Variants in FAM229A observed in about 807,000 individuals in gnomAD.
FAM229A encodes protein FAM229A.
A neutral mutation model predicts 10.0 loss-of-function variants in FAM229A; 9 were observed. The observed-to-expected ratio is 0.90, with a 90% CI of 0.54 to 1.56. The LOEUF (loss-of-function observed/expected upper bound fraction) is 1.56, where lower values mean the gene tolerates loss of function less well. Ranked by LOEUF, FAM229A falls within the 40% of genes most tolerant of loss-of-function variation. The probability of loss-of-function intolerance (pLI) is 0.00; values close to 1 mark genes in which losing one functional copy is unlikely to be tolerated. For synonymous variants in FAM229A, 93 were observed against 90.1 expected, an observed-to-expected ratio of 1.03 and a Z score of -0.19; for missense variants, 196 against 197.6, an observed-to-expected ratio of 0.99 and a Z score of 0.05.
Position 32,362,103 on chromosome 1 carries a change from C to A in FAM229A, c.-12G>T. On this transcript the variant is annotated 5_prime_UTR_variant, in exon 1 of 3. Transcript: ENST00000432622. ...GAGGAGGGCAGCATTGTGACCCGGG[C>A]CGCGGCGCGCTGACCTCACAGAGCA... The A allele has an allele frequency of 7.3e-7, 1 of 1,370,630 alleles. No homozygotes were observed. The highest frequency in any genetic ancestry group is 9.4e-7 in the Non-Finnish European group (1 of 1,064,276). The allele number at this position is 1,370,630 out of a possible 1,614,324, so 84.9% of individuals were successfully genotyped here.
rs1032770200 is a variant in FAM229A at position 32,362,168 on chromosome 1, C to T, written c.-77G>A. 4 of 1,294,790 alleles carry T rather than the reference C, an allele frequency of 3.1e-6. No homozygotes were observed. The highest frequency in any genetic ancestry group is 3.9e-6 in the Non-Finnish European group (4 of 1,022,292). 80.2% of individuals were successfully genotyped at this position (1,294,790 alleles called of 1,614,324 possible). ...GAGAACCCCCAACGGTGCCCCCTGC[C>T]GCCCCTGGCACTCAGCGCGGGCCAG... On this transcript the variant is annotated 5_prime_UTR_variant, in exon 1 of 3. Coordinates refer to ENST00000432622, the MANE Select transcript of FAM229A (RefSeq NM_001167676.2).
Position 32,362,018 on chromosome 1 carries a change from G to T in FAM229A, c.74C>A (p.Ser25Tyr). 1 of 1,485,066 alleles carries T rather than the reference G, an allele frequency of 6.7e-7. No homozygotes were observed. The allele number at this position is 1,485,066 out of a possible 1,614,324, so 92.0% of individuals were successfully genotyped here. A position where few individuals can be genotyped will look rare whatever the true frequency, so the allele number is the denominator to read the frequency against. ...AGCTGCCGGAGCCCTGGCCGCGGGAGAACGCTCCGGTCCAGGCGGAGCCGG... is the reference window on the plus strand; with the variant it reads ...AGCTGCCGGAGCCCTGGCCGCGGGATAACGCTCCGGTCCAGGCGGAGCCGG... ...TCPAPPGPER[S>Y]PAARAPAAAS... is the part of the protein sequence containing the mutation. The change falls in exon 1 of 3, where the codon TCT becomes TAT. Residue 25 changes from serine (S) to tyrosine (Y), a missense_variant. Transcript: ENST00000432622.
rs544444958 is a variant in FAM229A, at chr1:32,362,133, C to T, written c.-42G>A. On this transcript the variant is annotated 5_prime_UTR_variant, in exon 1 of 3. Transcript: ENST00000432622. Reference sequence around the variant, plus strand: ...GCGCGCTGACCTCACAGAGCACGTTCCTCCCACTGGAGAACCCCCAACGGT... The same window carrying T: ...GCGCGCTGACCTCACAGAGCACGTTTCTCCCACTGGAGAACCCCCAACGGT... 508 of 1,330,026 alleles carry T rather than the reference C, an allele frequency of 3.8e-4. No individual in the cohort carries two copies. Among genetic ancestry groups the T allele is most frequent in the Non-Finnish European group, 4.8e-4 (498 of 1,041,812 alleles). 82.4% of individuals were successfully genotyped at this position (1,330,026 alleles called of 1,614,324 possible).
At position 32,362,478 on chromosome 1, in the gene FAM229A, A is replaced by T; in HGVS notation, c.-387T>A. 1 of 587,142 alleles carries T rather than the reference A, an allele frequency of 1.7e-6. No homozygotes were observed. The highest frequency in any genetic ancestry group is 3.0e-5 in the Admixed American group (1 of 33,058). The allele number at this position is 587,142 out of a possible 1,614,324, so 36.4% of individuals were successfully genotyped here. Reference sequence around the variant, plus strand: ...GCACTGCCCATTTTGGCCAAGGGTCACACAGCATCTACATCACAATTGCAC... The same window carrying T: ...GCACTGCCCATTTTGGCCAAGGGTCTCACAGCATCTACATCACAATTGCAC... On this transcript the variant is annotated 5_prime_UTR_variant, in exon 1 of 3. Coordinates refer to ENST00000432622, the MANE Select transcript of FAM229A (RefSeq NM_001167676.2).
At position 32,362,341 on chromosome 1, in the gene FAM229A, GC is replaced by G; in HGVS notation, c.-251del. On this transcript the variant is annotated 5_prime_UTR_variant, in exon 1 of 3. Coordinates refer to ENST00000432622, the MANE Select transcript of FAM229A (RefSeq NM_001167676.2). The stretch of plus-strand genomic sequence containing the variant: ...CCGCGCATTCCCGGTCCACACAGAC[GC>G]GGCGGAGCGCCCTCCCAGGCGGGAC... The G allele has an allele frequency of 2.0e-6, 1 of 488,750 alleles. No homozygotes were observed. The highest frequency in any genetic ancestry group is 3.4e-6 in the Non-Finnish European group (1 of 292,756). 30.3% of individuals were successfully genotyped at this position (488,750 alleles called of 1,614,324 possible).
rs1641719256 is a variant in FAM229A at position 32,362,374 on chromosome 1, T to G, written c.-283A>C. On this transcript the variant is annotated 5_prime_UTR_variant, in exon 1 of 3. An upstream open reading frame in the 5' UTR loses its in-frame stop. Coordinates refer to ENST00000432622, the MANE Select transcript of FAM229A (RefSeq NM_001167676.2). Reference sequence around the variant, plus strand: ...GCGCCCTCCCAGGCGGGACTACAACTCAATGCCTGGCACGGGGGCGGGCTC... The same window carrying G: ...GCGCCCTCCCAGGCGGGACTACAACGCAATGCCTGGCACGGGGGCGGGCTC... 1 of 478,586 alleles carries G rather than the reference T, an allele frequency of 2.1e-6. No homozygotes were observed. The highest frequency in any genetic ancestry group is 3.6e-6 in the Non-Finnish European group (1 of 277,282). 29.6% of individuals were successfully genotyped at this position (478,586 alleles called of 1,614,324 possible). A position where few individuals can be genotyped will look rare whatever the true frequency, so the allele number is the denominator to read the frequency against.
At position 32,361,847 on chromosome 1, in the gene FAM229A, T is replaced by TGGG. The variant is rs36117366; in HGVS notation, c.161_163dup (p.Ala54_Gln55insPro). ...GAATCTCCGACCCTGCGGGGGCTCC[T>TGGG]GGGCGCTCATGTCCAAGCCCCGGGG... On this transcript the variant is annotated inframe_insertion, in exon 2 of 3. Transcript: ENST00000432622. 3 of 1,337,906 alleles carry TGGG rather than the reference T, an allele frequency of 2.2e-6. No individual in the cohort carries two copies. In the African/African-American group the frequency reaches 4.6e-5, roughly 21 times the overall value. The allele number at this position is 1,337,906 out of a possible 1,614,324, so 82.9% of individuals were successfully genotyped here.
In FAM229A at chr1:32,361,781, G is replaced by A; in HGVS notation, c.230C>T (p.Pro77Leu). Residue 77 changes from proline (P) to leucine (L), a missense_variant, in exon 2 of 3, where the codon CCC becomes CTC. Transcript: ENST00000432622. ...CGCCTCCGGGCTGTCCTGGGACTCG[G>A]GGGCGGCGGCAAGGCCACGGGAGTC... ...AGDSRGLAAAPESQDSPEAVA... is the reference protein window; with the variant it reads ...AGDSRGLAAALESQDSPEAVA... 1 of 1,324,396 alleles carries A rather than the reference G, an allele frequency of 7.6e-7. No individual in the cohort carries two copies. The highest frequency in any genetic ancestry group is 9.6e-7 in the Non-Finnish European group (1 of 1,039,608). The allele number at this position is 1,324,396 out of a possible 1,614,324, so 82.0% of individuals were successfully genotyped here.
Position 32,362,090 on chromosome 1 carries a change from ATT to A in FAM229A, c.-1_1del. ...GGGCCCGGGCGTCGAGGAGGGCAGC[ATT>A]GTGACCCGGGCCGCGGCGCGCTGAC... On this transcript the variant is annotated start_lost and 5_prime_UTR_variant, in exon 1 of 3. Coordinates refer to ENST00000432622, the MANE Select transcript of FAM229A (RefSeq NM_001167676.2). 2.1e-6 allele frequency: 3 copies of A among 1,395,498 alleles called. No homozygotes were observed. The highest frequency in any genetic ancestry group is 2.8e-6 in the Non-Finnish European group (3 of 1,077,416). The allele number at this position is 1,395,498 out of a possible 1,614,324, so 86.4% of individuals were successfully genotyped here.
rs765253551 is a variant in FAM229A, at chr1:32,361,976, G to T, written c.116C>A (p.Pro39Gln). 2 of 1,480,492 alleles carry T rather than the reference G, an allele frequency of 1.4e-6. No homozygotes were observed. Among genetic ancestry groups the T allele is most frequent in the South Asian group, 1.3e-5 (1 of 78,480 alleles). 91.7% of individuals were successfully genotyped at this position (1,480,492 alleles called of 1,614,324 possible). The change falls in exon 1 of 3, where the codon CCG (proline) becomes CAG (glutamine). Residue 39 changes from proline to glutamine, a missense_variant. Pro to Gln is a moderately conservative substitution (Grantham distance 76). Transcript: ENST00000432622. ...CGCTCACCTCCCGGCGGTTGAGACC[G>T]GTCCCAGGCTAGAAGCAGCTGCCGG... Reference protein sequence around the residue: ...RAPAAASSLGPVSTAGRAPRG... With the variant: ...RAPAAASSLGQVSTAGRAPRG...
chr1:32,362,065 G>A lies in FAM229A; in HGVS notation c.27C>T (p.Pro9=). Residue 9 remains proline (P), a synonymous_variant, in exon 1 of 3, where the codon CCC becomes CCT. Coordinates refer to ENST00000432622, the MANE Select transcript of FAM229A (RefSeq NM_001167676.2). ...CCGGGCAGGTCTCTGTGGCGTGCCCGGGCCCGGGCGTCGAGGAGGGCAGCA... is the reference window on the plus strand; with the variant it reads ...CCGGGCAGGTCTCTGTGGCGTGCCCAGGCCCGGGCGTCGAGGAGGGCAGCA... MLPSSTPG[P]GHATETCPAP... is the part of the protein sequence containing the mutation. 7.0e-7 allele frequency: 1 copy of A among 1,431,806 alleles called. No individual in the cohort carries two copies. Among genetic ancestry groups the A allele is most frequent in the Non-Finnish European group, 9.1e-7 (1 of 1,097,996 alleles). The allele number at this position is 1,431,806 out of a possible 1,614,324, so 88.7% of individuals were successfully genotyped here.
rs747751320 is a variant in FAM229A, at chr1:32,362,185, G to A, written c.-94C>T. 8 of 1,290,330 alleles carry A rather than the reference G, an allele frequency of 6.2e-6. No homozygotes were observed. Among genetic ancestry groups the A allele is most frequent in the Non-Finnish European group, 7.8e-6 (8 of 1,019,242 alleles). The allele number at this position is 1,290,330 out of a possible 1,614,324, so 79.9% of individuals were successfully genotyped here. A position where few individuals can be genotyped will look rare whatever the true frequency, so the allele number is the denominator to read the frequency against. ...CCCCCTGCCGCCCCTGGCACTCAGC[G>A]CGGGCCAGAATCGGGGACTGGAGGC... On this transcript the variant is annotated 5_prime_UTR_variant, in exon 1 of 3. Transcript: ENST00000432622.
chr1:32,361,487 C>T lies in FAM229A; in HGVS notation c.330G>A (p.Val110=), dbSNP rs1641701481. 4 of 1,382,304 alleles carry T rather than the reference C, an allele frequency of 2.9e-6. No individual in the cohort carries two copies. The South Asian group carries it at 6.2e-5, about 21-fold the overall frequency. The allele number at this position is 1,382,304 out of a possible 1,614,324, so 85.6% of individuals were successfully genotyped here. A position where few individuals can be genotyped will look rare whatever the true frequency, so the allele number is the denominator to read the frequency against. Residue 110 remains valine (V), a synonymous_variant, in exon 3 of 3, where the codon GTG becomes GTA. Coordinates refer to ENST00000432622, the MANE Select transcript of FAM229A (RefSeq NM_001167676.2). ...CCATGGCGAGGTAGACGTCGATGGG[C>T]ACGTGCAGCAGCGTCAGGCAGTGGC... ...PGCHCLTLLH[V]PIDVYLAMGG... is the part of the protein sequence containing the mutation.
chr1:32,361,629 G>C, intron 2 of FAM229A, 94 bp from the exon 3 acceptor site: 1 of 1,253,014 alleles, frequency 8.0e-7, no homozygotes. Flanking sequence ...GTCCCCGGGG[G>C]TCCGGACGTG....
rs1235208428 is a variant in FAM229A at position 32,362,262 on chromosome 1, G to T, written c.-171C>A. On this transcript the variant is annotated 5_prime_UTR_variant, in exon 1 of 3. Transcript: ENST00000432622. ...GTCGCGCAGACCCCGGACACCCGAG[G>T]GGGGCGCAGCAGGCCAGGGCAACCC... The T allele has an allele frequency of 4.0e-6, 4 of 990,280 alleles. No homozygotes were observed. The highest frequency in any genetic ancestry group is 4.0e-6 in the Non-Finnish European group (3 of 754,572). The allele number at this position is 990,280 out of a possible 1,614,324, so 61.3% of individuals were successfully genotyped here.
At position 32,361,796 on chromosome 1, in the gene FAM229A, C is replaced by T; in HGVS notation, c.215G>A (p.Gly72Asp). The T allele has an allele frequency of 7.5e-7, 1 of 1,328,252 alleles. No individual in the cohort carries two copies. Among genetic ancestry groups the T allele is most frequent in the Middle Eastern group, 2.0e-4 (1 of 4,974 alleles). 82.3% of individuals were successfully genotyped at this position (1,328,252 alleles called of 1,614,324 possible). ...CTGGGACTCGGGGGCGGCGGCAAGGCCACGGGAGTCTCCGGCCTCAATGGG... is the reference window on the plus strand; with the variant it reads ...CTGGGACTCGGGGGCGGCGGCAAGGTCACGGGAGTCTCCGGCCTCAATGGG... Reference protein sequence around the residue: ...RFPIEAGDSRGLAAAPESQDS... With the variant: ...RFPIEAGDSRDLAAAPESQDS... The change falls in exon 2 of 3, where the codon GGC becomes GAC. Residue 72 changes from glycine to aspartate, a missense_variant. Coordinates refer to ENST00000432622, the MANE Select transcript of FAM229A (RefSeq NM_001167676.2).
intron 2 of FAM229A, 31 bp from the exon 3 acceptor site, chr1:32,361,566 T>C (rs1168062483): frequency 1.5e-6 from 2 of 1,314,002 alleles, no homozygotes; most frequent in East Asian, 3.1e-5. Context: ...CAGGGGCCGC[T>C]GAGGCAGGGG....
chr1:32,362,250 C>T lies in FAM229A; in HGVS notation c.-159G>A, dbSNP rs1196632280. ...CCTGGAGACGGGGTCGCGCAGACCCCGGACACCCGAGGGGGGCGCAGCAGG... is the reference window on the plus strand; with the variant it reads ...CCTGGAGACGGGGTCGCGCAGACCCTGGACACCCGAGGGGGGCGCAGCAGG... On this transcript the variant is annotated 5_prime_UTR_variant, in exon 1 of 3. Coordinates refer to ENST00000432622, the MANE Select transcript of FAM229A (RefSeq NM_001167676.2). The T allele has an allele frequency of 1.9e-6, 2 of 1,071,424 alleles. No homozygotes were observed. Among genetic ancestry groups the T allele is most frequent in the Non-Finnish European group, 2.4e-6 (2 of 829,080 alleles). 66.4% of individuals were successfully genotyped at this position (1,071,424 alleles called of 1,614,324 possible). A position where few individuals can be genotyped will look rare whatever the true frequency, so the allele number is the denominator to read the frequency against.
rs1641717920 is a variant in FAM229A, at chr1:32,362,312, G to A, written c.-221C>T. 2 of 554,678 alleles carry A rather than the reference G, an allele frequency of 3.6e-6. No homozygotes were observed. The highest frequency in any genetic ancestry group is 5.6e-6 in the Non-Finnish European group (2 of 357,326). 34.4% of individuals were successfully genotyped at this position (554,678 alleles called of 1,614,324 possible). A position where few individuals can be genotyped will look rare whatever the true frequency, so the allele number is the denominator to read the frequency against. On this transcript the variant is annotated 5_prime_UTR_variant, in exon 1 of 3. Transcript: ENST00000432622. ...CGCCGCGAGGCGGCGTCCACGCCGAGGAGCCGCGCATTCCCGGTCCACACA... is the reference window on the plus strand; with the variant it reads ...CGCCGCGAGGCGGCGTCCACGCCGAAGAGCCGCGCATTCCCGGTCCACACA...
Sources: allele counts gnomAD v4.1 joint callset, GRCh38; gene constraint gnomAD v4.1.1; transcripts MANE v1.5; gene names NCBI Gene and HGNC (gene_info 2026-07-23, HGNC 2026-07-21).